The following GNAQ variants were observed in gnomAD, a reference collection of about 807,000 sequenced individuals.
GNAQ encodes guanine nucleotide-binding protein G(q) subunit alpha.
A neutral mutation model predicts 43.9 loss-of-function variants in GNAQ; 8 were observed. The observed-to-expected ratio is 0.18, with a 90% CI of 0.11 to 0.33. The LOEUF (loss-of-function observed/expected upper bound fraction) is 0.33. GNAQ is among the 10% of genes least tolerant of loss of function. The probability of loss-of-function intolerance (pLI) is 1.00; values close to 1 mark genes in which losing one functional copy is unlikely to be tolerated. For missense variants in GNAQ, 158 were observed against 450.8 expected, an observed-to-expected ratio of 0.35 and a Z score of 5.88; for synonymous variants, 155 against 170.7, an observed-to-expected ratio of 0.91 and a Z score of 0.71.
rs2118218525 is a variant in GNAQ, at chr9:77,728,658, C to G, written c.745G>C (p.Glu249Gln). ...LVESDNENRM[E>Q]ESKALFRTII... Reference sequence around the variant, plus strand: ...GTTCTAAAGAGAGCCTTGCTTTCCTCCATTCGGTTCTGGAAAAAAAAAAAA... The same window carrying G: ...GTTCTAAAGAGAGCCTTGCTTTCCTGCATTCGGTTCTGGAAAAAAAAAAAA... Residue 249 changes from glutamate (E) to glutamine (Q), a missense_variant, in exon 6 of 7, where the codon GAG (glutamate) becomes CAG (glutamine). Physicochemically the swap from Glu to Gln is conservative, Grantham distance 29. This residue lies in a region of GNAQ where 56 missense variants were observed against 172.2 expected (regional missense o/e 0.33). Coordinates refer to ENST00000286548, the MANE Select transcript of GNAQ (RefSeq NM_002072.5). The G allele has an allele frequency of 6.4e-7, 1 of 1,566,382 alleles. No homozygotes were observed.
intron 5 of GNAQ, among the ~76,000 whole-genome samples, chr9:77,761,392 C>A (rs1332822884): frequency 1.4e-5 from 2 of 139,486 alleles, no homozygotes; most frequent in East Asian, 4.7e-4. Flanking sequence ...CCGGCCGCCC[C>A]TACTGGGAAG....
chr9:77,857,767 G>A (rs552218658), intron 2 of GNAQ, among the ~76,000 whole-genome samples: 1 of 150,638 alleles, frequency 6.6e-6, no homozygotes, highest in African/African-American at 2.5e-5. Flanking sequence ...ATAATAAGAG[G>A]GAAGACTTTT....
chr9:77,833,433 G>A (rs917429770), intron 2 of GNAQ, among the ~76,000 whole-genome samples: 31 of 152,288 alleles, frequency 2.0e-4, no homozygotes, highest in Admixed American at 6.5e-5. Flanking sequence ...GTAAGCAACT[G>A]GTAAGTTGGC....
At chr9:77,864,650 G>A (rs1827919637) in intron 2 of GNAQ, among the ~76,000 whole-genome samples, 1 of 152,132 alleles carries the variant, frequency 6.6e-6, no homozygotes, top group Non-Finnish European at 1.5e-5. Context: ...CTCCCCTAGA[G>A]CCTCCAAGAA....
intron 2 of GNAQ, among the ~76,000 whole-genome samples, chr9:77,841,665 C>A (rs1471577710): frequency 6.6e-6 from 1 of 152,122 alleles, no homozygotes; most frequent in Non-Finnish European, 1.5e-5. Context: ...TATATGTAAA[C>A]ACATAAATGA....
rs1293368724 is a variant in GNAQ at position 78,014,531 on chromosome 9, G to A, written c.136+16569C>T. 2.6e-5 allele frequency among the ~76,000 whole-genome samples: 4 copies of A among 152,116 alleles called. No homozygotes were observed. The East Asian group carries it at 5.8e-4, about 22-fold the overall frequency. On this transcript the variant is annotated intron_variant, in intron 1 of 6. Coordinates refer to ENST00000286548, the MANE Select transcript of GNAQ (RefSeq NM_002072.5). ...TGAGGCAGGAGAATTGCTTGAACCC[G>A]GGAAGCAGAGGTTGCTGTGAGCCGA...
intron 5 of GNAQ, among the ~76,000 whole-genome samples, chr9:77,759,156 T>C (rs1587901687): frequency 6.6e-6 from 1 of 152,204 alleles, no homozygotes. Flanking sequence ...CCATAAGCAA[T>C]GTAAAAATGG....
At chr9:77,953,064 G>C (rs1823001284) in intron 1 of GNAQ, among the ~76,000 whole-genome samples, 1 of 152,152 alleles carries the variant, frequency 6.6e-6, no homozygotes, top group Non-Finnish European at 1.5e-5. Context: ...TCAGTTCCAA[G>C]TACAGCAGCT....
intron 1 of GNAQ, among the ~76,000 whole-genome samples, chr9:77,984,742 A>T (rs1428675060): frequency 6.6e-6 from 1 of 152,214 alleles, no homozygotes; most frequent in Non-Finnish European, 1.5e-5. Context: ...GCAGGGGTTC[A>T]TTCCACATTT....
chr9:77,974,880 T>G (rs1027530083), intron 1 of GNAQ, among the ~76,000 whole-genome samples: 2 of 152,264 alleles, frequency 1.3e-5, no homozygotes, highest in African/African-American at 4.8e-5. Flanking sequence ...CTCATTTTAC[T>G]TTGTTGCATA....
chr9:77,762,224 C>T (rs1222619551), intron 5 of GNAQ, among the ~76,000 whole-genome samples: 2 of 142,432 alleles, frequency 1.4e-5, no homozygotes, highest in Non-Finnish European at 3.1e-5. Context: ...TCTGCCCGGC[C>T]AGCCGCCCCT....
intron 2 of GNAQ, among the ~76,000 whole-genome samples, chr9:77,822,625 A>G (rs1237371196): frequency 8.1e-6 from 1 of 123,362 alleles, no homozygotes; most frequent in Admixed American, 7.7e-5. Flanking sequence ...CTTTTTGATT[A>G]AAAAAAAAAA....
At chr9:77,815,264 T>TGG (rs1438626648) in intron 3 of GNAQ, among the ~76,000 whole-genome samples, 1 of 152,202 alleles carries the variant, frequency 6.6e-6, no homozygotes, top group African/African-American at 2.4e-5. Flanking sequence ...TTGGATTTTC[T>TGG]ATCAAAAATT....
At chr9:77,949,944 G>A (rs1822955531) in intron 1 of GNAQ, among the ~76,000 whole-genome samples, 2 of 152,094 alleles carry the variant, frequency 1.3e-5, no homozygotes, top group Admixed American at 1.3e-4. Context: ...CCCGATCCAT[G>A]CAGCCAAGTC....
intron 5 of GNAQ, among the ~76,000 whole-genome samples, chr9:77,772,303 T>C (rs1442419991): frequency 6.6e-6 from 1 of 152,188 alleles, no homozygotes; most frequent in Non-Finnish European, 1.5e-5. Context: ...CATGACCCCA[T>C]CATATGGAAT....
At chr9:77,888,485 C>T (rs964467960) in intron 2 of GNAQ, among the ~76,000 whole-genome samples, 5 of 152,144 alleles carry the variant, frequency 3.3e-5, no homozygotes, top group African/African-American at 1.2e-4. Flanking sequence ...GTAAATGCAG[C>T]AAGGAGAAAA....
At chr9:77,938,520 C>T (rs555532226) in intron 1 of GNAQ, among the ~76,000 whole-genome samples, 2 of 152,266 alleles carry the variant, frequency 1.3e-5, no homozygotes, top group East Asian at 1.9e-4. Context: ...GCAAGGCCCA[C>T]ACAGGAGGTA....
Position 78,030,733 on chromosome 9 carries a change from T to C in GNAQ, c.136+367A>G, listed in dbSNP as rs183691867. The C allele has an allele frequency of 7.0e-4, 259 of 368,608 alleles. 2 individuals are homozygous for C. Among genetic ancestry groups the C allele is most frequent in the African/African-American group, 4.9e-3 (233 of 47,288 alleles). The allele number at this position is 368,608 out of a possible 1,614,324, so 22.8% of individuals were successfully genotyped here. ...GCCACGACACTGGAAGTTCAACCCCTCTGCCCACCTTTCCACCCCCGCGCC... is the reference window on the plus strand; with the variant it reads ...GCCACGACACTGGAAGTTCAACCCCCCTGCCCACCTTTCCACCCCCGCGCC... On this transcript the variant is annotated intron_variant, in intron 1 of 6. Coordinates refer to ENST00000286548, the MANE Select transcript of GNAQ (RefSeq NM_002072.5).
chr9:77,765,800 A>T (rs1826126031), intron 5 of GNAQ, among the ~76,000 whole-genome samples: 1 of 152,238 alleles, frequency 6.6e-6, no homozygotes, highest in African/African-American at 2.4e-5. Flanking sequence ...GAGTAGCACA[A>T]TTCACGACAG....
Sources: allele counts gnomAD v4.1 joint callset (sites outside exome capture counted in the v4.1 genomes callset), GRCh38; gene constraint gnomAD v4.1.1; regional missense constraint gnomAD v4.1.1; transcripts MANE v1.5; gene names NCBI Gene and HGNC (gene_info 2026-07-23, HGNC 2026-07-21).